The following CELF2 variants were observed in gnomAD, a reference collection of about 807,000 sequenced individuals.
CELF2 encodes CUG triplet repeat RNA-binding protein 2.
CELF2 carries 8 observed loss-of-function variants against 62.6 expected under a neutral mutation model. That is an observed-to-expected ratio of 0.13 (90% CI 0.07 to 0.23). The LOEUF is 0.23. Among genes scored for constraint, CELF2 ranks in the 10% least tolerant of loss-of-function variants. CELF2 has a pLI of 1.00. For missense variants in CELF2, 333 were observed against 671.0 expected (o/e 0.50, Z 5.56); for synonymous variants, 258 against 250.0 (o/e 1.03, Z -0.30).
At chr10:11,052,118 C>T (rs1464316202) in intron 1 of CELF2, among the ~76,000 whole-genome samples, 1 of 151,982 alleles carries the variant, frequency 6.6e-6, no homozygotes, top group East Asian at 1.9e-4. Context: ...GCCTAATTAG[C>T]TGGGCATGGT....
At chr10:10,606,426 A>G in the CELF2 span, among the ~76,000 whole-genome samples, 1 of 152,226 alleles carries the variant, frequency 6.6e-6, no homozygotes, top group African/African-American at 2.4e-5. Flanking sequence ...TAATTAAATT[A>G]AAGTGGTGGG....
rs1258307592 is a variant in CELF2 at position 11,314,281 on chromosome 10, G to T, written c.1096+23G>T. On this transcript the variant is annotated intron_variant, in intron 10 of 12. Coordinates refer to ENST00000633077, the MANE Select transcript of CELF2 (RefSeq NM_001326342.2). The surrounding 1 kb of genome is among the most constrained non-coding windows in gnomAD (Gnocchi z 5.3). ...CAGGTACCATCAACAGTGAGTATTT[G>T]CTGCTCTGGTGGACAGCCTTCCCCC... is the stretch of plus-strand genomic sequence containing the variant. 6.2e-7 allele frequency: 1 copy of T among 1,614,060 alleles called. No homozygotes were observed. Among genetic ancestry groups the T allele is most frequent in the South Asian group, 1.1e-5 (1 of 91,092 alleles).
intron 9 of CELF2, among the ~76,000 whole-genome samples, chr10:11,291,141 G>A (rs1359630140): frequency 1.3e-5 from 2 of 152,152 alleles, no homozygotes; most frequent in African/African-American, 4.8e-5. Flanking sequence ...TGCCCTGTGA[G>A]TTGAAGGGAA....
At chr10:11,049,114 T>G (rs2063398689) in intron 1 of CELF2, among the ~76,000 whole-genome samples, 1 of 117,202 alleles carries the variant, frequency 8.5e-6, no homozygotes, top group African/African-American at 4.2e-5. Context: ...TTGAACAAAC[T>G]GTTCTGTTAA....
chr10:11,034,073 T>TA (rs2060568916), intron 1 of CELF2, among the ~76,000 whole-genome samples: 1 of 152,208 alleles, frequency 6.6e-6, no homozygotes. Flanking sequence ...TTCTAGGTGT[T>TA]ACAAAAATTG....
the CELF2 span, among the ~76,000 whole-genome samples, chr10:10,681,388 C>G: frequency 6.6e-6 from 1 of 152,120 alleles, no homozygotes; most frequent in South Asian, 2.1e-4. Context: ...CTGCCCAGGT[C>G]AGGGGTTAGT....
At chr10:11,111,820 CA>C (rs1458987670) in intron 1 of CELF2, among the ~76,000 whole-genome samples, 1 of 152,214 alleles carries the variant, frequency 6.6e-6, no homozygotes, top group Non-Finnish European at 1.5e-5. Context: ...ATACCTCAGA[CA>C]GTAATACGTC....
At position 11,287,822 on chromosome 10, in the gene CELF2, A is replaced by G. The variant is rs1397953236; in HGVS notation, c.842-596A>G. 2.6e-5 allele frequency among the ~76,000 whole-genome samples: 4 copies of G among 152,374 alleles called. No individual in the cohort carries two copies. The East Asian group carries it at 7.7e-4, about 29-fold the overall frequency. On this transcript the variant is annotated intron_variant, in intron 8 of 12. Coordinates refer to ENST00000633077, the MANE Select transcript of CELF2 (RefSeq NM_001326342.2). ...TTCATCATCTTATTTAATCTGCACA[A>G]CAACCCTTCAAGGTGGGGTTCAGTT...
chr10:10,838,438 C>T (rs1291257658), intron 1 of CELF2, among the ~76,000 whole-genome samples: 2 of 152,204 alleles, frequency 1.3e-5, no homozygotes, highest in African/African-American at 4.8e-5. Context: ...GTGCAGCCCA[C>T]ACTTAAGGAG....
In CELF2 at chr10:11,176,802, A is replaced by AT. The variant is rs200949447; in HGVS notation, c.271+11126dup. 3.2e-4 allele frequency among the ~76,000 whole-genome samples: 48 copies of AT among 152,056 alleles called. No homozygotes were observed. In the East Asian group the frequency reaches 6.6e-3, roughly 21 times the overall value. Reference sequence around the variant, plus strand: ...ATCAACAAGGCGTTACTTTTGGGTAATTTTTTCAATGTTTATCCCAGTTCC... The same window carrying AT: ...ATCAACAAGGCGTTACTTTTGGGTAATTTTTTTCAATGTTTATCCCAGTTCC... On this transcript the variant is annotated intron_variant, in intron 2 of 12. Coordinates refer to ENST00000633077, the MANE Select transcript of CELF2 (RefSeq NM_001326342.2).
chr10:10,743,614 T>C, the CELF2 span, among the ~76,000 whole-genome samples: 2 of 152,246 alleles, frequency 1.3e-5, no homozygotes, highest in Non-Finnish European at 2.9e-5. Flanking sequence ...TTCCCACTCA[T>C]TTATTTAGTG....
chr10:10,639,649 T>C, the CELF2 span, among the ~76,000 whole-genome samples: 1 of 152,260 alleles, frequency 6.6e-6, no homozygotes, highest in African/African-American at 2.4e-5. Flanking sequence ...GAAAGAGGTC[T>C]GGGAAGTCCC....
rs564647948 is a variant in CELF2 at position 11,305,202 on chromosome 10, G to A, written c.977-8937G>A. On this transcript the variant is annotated intron_variant, in intron 9 of 12. Transcript: ENST00000633077. The surrounding 1 kb of genome is among the most constrained non-coding windows in gnomAD (Gnocchi z 4.8). ...CAGGTTATCCACATAGCAGAGAAAA[G>A]AACTTTTTTCTGGAAAGTGGAGCTC... is the stretch of plus-strand genomic sequence containing the variant. Among the ~76,000 whole-genome samples, 112 of 152,312 alleles carry A rather than the reference G, an allele frequency of 7.4e-4. No homozygotes were observed. The highest frequency in any genetic ancestry group is 3.4e-3 in the Middle Eastern group (1 of 294).
intron 1 of CELF2, among the ~76,000 whole-genome samples, chr10:11,072,869 G>T (rs189111974): frequency 6.6e-6 from 1 of 151,838 alleles, no homozygotes; most frequent in South Asian, 2.1e-4. Flanking sequence ...ATGGGAAGCA[G>T]ATATCCCTGA....
chr10:11,235,662 G>T (rs17524661), intron 3 of CELF2, among the ~76,000 whole-genome samples: 2 of 151,972 alleles, frequency 1.3e-5, no homozygotes, highest in Non-Finnish European at 2.9e-5. Flanking sequence ...TATGGAAGAC[G>T]AGATGAATAA....
At position 11,305,946 on chromosome 10, in the gene CELF2, A is replaced by C. The variant is rs913049171; in HGVS notation, c.977-8193A>C. ...CCCTGCCCCACAAACAGTTTTCACA[A>C]AAGGCCACAGACTTTGTCTGCACAT... On this transcript the variant is annotated intron_variant, in intron 9 of 12. Transcript: ENST00000633077. This position sits in a 1 kb window ranked among gnomAD's most constrained non-coding sequence, Gnocchi z 4.8. Among the ~76,000 whole-genome samples the C allele has an allele frequency of 1.3e-5, 2 of 152,174 alleles. No homozygotes were observed. The highest frequency in any genetic ancestry group is 4.8e-5 in the African/African-American group (2 of 41,438).
chr10:10,819,812 C>A (rs905762246), intron 1 of CELF2, among the ~76,000 whole-genome samples: 2 of 152,062 alleles, frequency 1.3e-5, no homozygotes, highest in Middle Eastern at 3.2e-3. Context: ...CAGTTCCCAC[C>A]CATTGTCAAC....
chr10:10,642,670 G>A, the CELF2 span, among the ~76,000 whole-genome samples: 1 of 152,222 alleles, frequency 6.6e-6, no homozygotes, highest in African/African-American at 2.4e-5. Context: ...ATTTTGGAGA[G>A]AAAACACTTA....
chr10:10,969,347 A>C (rs2050504215), intron 2 of CELF2, among the ~76,000 whole-genome samples: 1 of 152,196 alleles, frequency 6.6e-6, no homozygotes, highest in African/African-American at 2.4e-5. Flanking sequence ...CATTAAGGAG[A>C]AACATCAGGG....
Sources: allele counts gnomAD v4.1 joint callset (sites outside exome capture counted in the v4.1 genomes callset), GRCh38; gene constraint gnomAD v4.1.1; non-coding constraint Gnocchi (gnomAD v3.1); transcripts MANE v1.5; gene names NCBI Gene and HGNC (gene_info 2026-07-23, HGNC 2026-07-21).